The following PRKCQ variants were observed in gnomAD, a reference collection of about 807,000 sequenced individuals.
PRKCQ encodes protein kinase C theta.
Under a neutral mutation model 91.2 loss-of-function variants are expected in PRKCQ, and 41 were observed. That is an observed-to-expected ratio of 0.45 (90% CI 0.35 to 0.58). PRKCQ has a LOEUF of 0.58. PRKCQ is among the 20% of genes least tolerant of loss of function. PRKCQ has a pLI of 0.00. For synonymous variants in PRKCQ, 307 were observed against 316.9 expected (o/e 0.97, Z 0.33); for missense variants, 673 against 896.5 (o/e 0.75, Z 3.18).
At position 6,486,137 on chromosome 10, in the gene PRKCQ, G is replaced by A. The variant is rs140255946; in HGVS notation, c.798C>T (p.Gly266=). ...TCTGGCATCTATGATGCACATTCAT[G>A]CCACATGCTGGAAGGAAGAAGGCAG... ...ARQGLKCDAC[G]MNVHHRCQTK... The change falls in exon 9 of 18, where the codon GGC becomes GGT. Residue 266 remains glycine (G), a synonymous_variant. Coordinates refer to ENST00000263125, the MANE Select transcript of PRKCQ (RefSeq NM_006257.5). The A allele has an allele frequency of 2.2e-5, 35 of 1,613,716 alleles. No individual in the cohort carries two copies. The highest frequency in any genetic ancestry group is 2.9e-5 in the Non-Finnish European group (34 of 1,179,782).
chr10:6,440,125 T>C (rs2132254530), intron 16 of PRKCQ, among the ~76,000 whole-genome samples: 1 of 152,248 alleles, frequency 6.6e-6, no homozygotes, highest in East Asian at 1.9e-4. Context: ...TGTGAAGAGG[T>C]GCCTTCTGCC....
At chr10:6,446,468 C>T (rs1834312204) in intron 15 of PRKCQ, among the ~76,000 whole-genome samples, 1 of 147,260 alleles carries the variant, frequency 6.8e-6, no homozygotes, top group Non-Finnish European at 1.5e-5. Flanking sequence ...CAAGTTCAAG[C>T]GATTCTCCTA....
chr10:6,399,194 C>A, the PRKCQ span, among the ~76,000 whole-genome samples: 1 of 152,170 alleles, frequency 6.6e-6, no homozygotes, highest in African/African-American at 2.4e-5. Context: ...GCCATAGTGT[C>A]CCCACAAGTA....
chr10:6,573,476 A>G (rs1265539539), intron 1 of PRKCQ, among the ~76,000 whole-genome samples: 1 of 152,226 alleles, frequency 6.6e-6, no homozygotes. Context: ...CCTCCGAATC[A>G]GGACTTGGTT....
chr10:6,412,380 G>T, the PRKCQ span, among the ~76,000 whole-genome samples: 1 of 152,176 alleles, frequency 6.6e-6, no homozygotes, highest in Non-Finnish European at 1.5e-5. Context: ...AATATCAAAA[G>T]GGAGTTTTAA....
At chr10:6,462,282 T>C (rs1381970965) in intron 14 of PRKCQ, 21 bp downstream of exon 14, 21 of 1,604,852 alleles carry the variant, frequency 1.3e-5, no homozygotes, top group Non-Finnish European at 1.8e-5. Flanking sequence ...TTAGCATTTG[T>C]TTCCACAAAG....
chr10:6,513,564 G>A (rs1838601604), intron 2 of PRKCQ, among the ~76,000 whole-genome samples: 1 of 151,880 alleles, frequency 6.6e-6, no homozygotes, highest in African/African-American at 2.4e-5. Flanking sequence ...AAACTCAGAC[G>A]TTTTACACTT....
At chr10:6,541,446 C>T (rs1187023441) in intron 1 of PRKCQ, among the ~76,000 whole-genome samples, 2 of 152,188 alleles carry the variant, frequency 1.3e-5, no homozygotes, top group Non-Finnish European at 2.9e-5. Flanking sequence ...GTACCGAATT[C>T]TATGACCTGC....
At chr10:6,466,676 A>G (rs981161190) in intron 12 of PRKCQ, among the ~76,000 whole-genome samples, 8 of 152,252 alleles carry the variant, frequency 5.3e-5, no homozygotes, top group Non-Finnish European at 8.8e-5. Context: ...CCAAAATCCC[A>G]TCATAAAAGG....
chr10:6,406,511 C>T, the PRKCQ span, among the ~76,000 whole-genome samples: 1 of 151,908 alleles, frequency 6.6e-6, no homozygotes. Context: ...TTTTTAATTA[C>T]AATTTTAAAT....
intron 15 of PRKCQ, among the ~76,000 whole-genome samples, chr10:6,443,839 G>A (rs1220094633): frequency 6.6e-6 from 1 of 152,150 alleles, no homozygotes; most frequent in Non-Finnish European, 1.5e-5. Context: ...CTTACATAAG[G>A]TACCTTAAGT....
intron 7 of PRKCQ, among the ~76,000 whole-genome samples, chr10:6,492,885 C>G (rs963872493): frequency 6.6e-6 from 1 of 152,188 alleles, no homozygotes; most frequent in African/African-American, 2.4e-5. Flanking sequence ...TTCATCAGCA[C>G]AGCAATAGAT....
intron 1 of PRKCQ, among the ~76,000 whole-genome samples, chr10:6,521,926 T>TTTATTTAC (rs1839024873): frequency 2.1e-4 from 29 of 138,826 alleles, no homozygotes; most frequent in African/African-American, 9.0e-4. Flanking sequence ...TGTTATGTTA[T>TTTATTTAC]TTATTTATTT....
intron 2 of PRKCQ, among the ~76,000 whole-genome samples, chr10:6,512,730 C>T (rs1246630108): frequency 6.6e-6 from 1 of 152,120 alleles, no homozygotes; most frequent in African/African-American, 2.4e-5. Context: ...AGACATTTAG[C>T]ATTTGTTAAA....
intron 15 of PRKCQ, among the ~76,000 whole-genome samples, chr10:6,443,846 A>C (rs1564299299): frequency 6.6e-6 from 1 of 152,202 alleles, no homozygotes; most frequent in East Asian, 1.9e-4. Flanking sequence ...AAGGTACCTT[A>C]AGTATTAACA....
intron 1 of PRKCQ, among the ~76,000 whole-genome samples, chr10:6,553,512 A>AAAAAT (rs1554782550): frequency 0.44 from 62,395 of 140,752 alleles, 17,103 homozygotes; most frequent in Admixed American, 0.57. Flanking sequence ...AAAAAAAAAA[A>AAAAAT]AAAAACAAAC....
At chr10:6,424,845 A>C (rs1281499972), downstream of PRKCQ, among the ~76,000 whole-genome samples, 8 of 152,290 alleles carry the variant, frequency 5.3e-5, no homozygotes, top group East Asian at 1.5e-3. Context: ...TTCCAAAAAG[A>C]AGCACTGATC....
intron 12 of PRKCQ, among the ~76,000 whole-genome samples, chr10:6,471,227 G>A (rs922230299): frequency 6.1e-5 from 9 of 148,744 alleles, no homozygotes; most frequent in African/African-American, 1.4e-4. Flanking sequence ...AGAAAAGAGC[G>A]AAACATGCAT....
At chr10:6,479,194 T>C in intron 11 of PRKCQ, 29 bp from the exon 12 acceptor site, 1 of 1,607,144 alleles carries the variant, frequency 6.2e-7, no homozygotes, top group East Asian at 2.2e-5. Flanking sequence ...AGTAACTTTA[T>C]TTTAGAATTT....
Sources: gnomAD v4.1 joint callset for allele counts (sites outside exome capture counted in the v4.1 genomes callset) on GRCh38, gnomAD v4.1.1 for gene constraint, MANE v1.5 for transcripts, NCBI Gene and HGNC (gene_info 2026-07-23, HGNC 2026-07-21) for gene names.